Variants in USP24 observed in about 807,000 individuals in gnomAD.
USP24 encodes the protein ubiquitin specific peptidase 24.
A neutral mutation model predicts 361.6 loss-of-function variants in USP24; 97 were observed. That is an observed-to-expected ratio of 0.27 (90% CI 0.23 to 0.32). USP24 has a LOEUF of 0.32. Among genes scored for constraint, USP24 ranks in the 10% least tolerant of loss-of-function variants. USP24 has a pLI of 1.00. For missense variants in USP24, 2,353 were observed against 3,165.6 expected, an observed-to-expected ratio of 0.74 and a Z score of 6.16; for synonymous variants, 1,098 against 1,124.6, an observed-to-expected ratio of 0.98 and a Z score of 0.47.
At chr1:55,131,641 A>T (rs1013529954) in intron 31 of USP24, among the ~76,000 whole-genome samples, 1 of 152,226 alleles carries the variant, frequency 6.6e-6, no homozygotes, top group African/African-American at 2.4e-5. Flanking sequence ...CACATCATAC[A>T]AGCAACAAGT....
chr1:55,212,573 C>A (rs1446244537), intron 1 of USP24, among the ~76,000 whole-genome samples: 2 of 152,164 alleles, frequency 1.3e-5, no homozygotes, highest in African/African-American at 4.8e-5. Context: ...AGATCAAGAG[C>A]CTCAGTTTCC....
At chr1:55,084,067 CAGAG>C (rs1490048034) in intron 56 of USP24, among the ~76,000 whole-genome samples, 179 bp from the exon 57 acceptor site, 1 of 152,048 alleles carries the variant, frequency 6.6e-6, no homozygotes, top group African/African-American at 2.4e-5. Flanking sequence ...TTTTACCTTC[CAGAG>C]AAAGATTGGT....
intron 12 of USP24, among the ~76,000 whole-genome samples, chr1:55,155,574 T>C (rs903725849): frequency 2.0e-5 from 3 of 152,284 alleles, no homozygotes; most frequent in African/African-American, 4.8e-5. Flanking sequence ...CGTCAAGACA[T>C]GGGAAGTAAT....
chr1:55,175,567 A>T (rs567529009), intron 3 of USP24, among the ~76,000 whole-genome samples: 11 of 152,254 alleles, frequency 7.2e-5, no homozygotes, highest in African/African-American at 2.6e-4. Context: ...ACCCATCTGT[A>T]GTTCTAGTGA....
chr1:55,074,800 G>C (rs1403763356), intron 63 of USP24, among the ~76,000 whole-genome samples: 1 of 152,084 alleles, frequency 6.6e-6, no homozygotes, highest in Non-Finnish European at 1.5e-5. Context: ...AAAAGCTGAA[G>C]CTACAAAACT....
chr1:55,165,938 C>G lies in USP24; in HGVS notation c.874G>C (p.Gly292Arg), dbSNP rs781032724. The change falls in exon 7 of 68, where the codon GGT becomes CGT. Residue 292 changes from glycine (G) to arginine (R), a missense_variant. Coordinates refer to ENST00000294383, the MANE Select transcript of USP24 (RefSeq NM_015306.3). ...VDLVNKFGEL[G>R]GFAAIQAKLH... is the part of the protein sequence containing the mutation. The stretch of plus-strand genomic sequence containing the variant: ...TTGGCTTGGATTGCTGCAAATCCAC[C>G]TAATTCTCCAAACTGAGAAGAAAAA... 1.2e-6 allele frequency: 2 copies of G among 1,606,766 alleles called. No individual in the cohort carries two copies. The highest frequency in any genetic ancestry group is 2.7e-5 in the African/African-American group (2 of 74,540).
chr1:55,191,174 T>TC (rs1644275342), intron 1 of USP24, among the ~76,000 whole-genome samples: 1 of 152,200 alleles, frequency 6.6e-6, no homozygotes. Context: ...ATTCAGTTGT[T>TC]CAAGAAAAAT....
rs144535888 is a variant in USP24, at chr1:55,154,557, G to T, written c.1555-91C>A. The T allele has an allele frequency of 2.4e-4, 360 of 1,470,024 alleles. 2 individuals are homozygous for T. The East Asian group carries it at 8.8e-3, about 36-fold the overall frequency. The allele number at this position is 1,470,024 out of a possible 1,614,324, so 91.1% of individuals were successfully genotyped here. A position where few individuals can be genotyped will look rare whatever the true frequency, so the allele number is the denominator to read the frequency against. The stretch of plus-strand genomic sequence containing the variant: ...AACTTGAGCTAAAAACATTAACAAC[G>T]TAAGAAAAGTACATTTAAATACTGC... On this transcript the variant is annotated intron_variant, in intron 13 of 67. Transcript: ENST00000294383.
At chr1:55,112,043 T>C (rs554830803) in intron 38 of USP24, among the ~76,000 whole-genome samples, 53 of 152,048 alleles carry the variant, frequency 3.5e-4, no homozygotes, top group Admixed American at 3.1e-3. Flanking sequence ...AACAGAGGTA[T>C]TAAAAAAAGT....
At chr1:55,148,380 T>A in intron 17 of USP24, 83 bp downstream of exon 17, 1 of 1,017,142 alleles carries the variant, frequency 9.8e-7, no homozygotes, top group Non-Finnish European at 1.5e-6. Context: ...ATAGTGACTA[T>A]AAACTCAGCA....
rs910570451 is a variant in USP24 at position 55,123,334 on chromosome 1, G to A, written c.4276+113C>T. ...TAGCTACGCCACATGCCAACTTCCCGCCTTTTTCATTTTGACCAATGGGAC... is the reference window on the plus strand; with the variant it reads ...TAGCTACGCCACATGCCAACTTCCCACCTTTTTCATTTTGACCAATGGGAC... On this transcript the variant is annotated intron_variant, in intron 36 of 67. Transcript: ENST00000294383. 79 of 1,253,598 alleles carry A rather than the reference G, an allele frequency of 6.3e-5. 1 individual carries two copies. The East Asian group carries it at 8.0e-4, about 13-fold the overall frequency. 77.7% of individuals were successfully genotyped at this position (1,253,598 alleles called of 1,614,324 possible).
intron 1 of USP24, among the ~76,000 whole-genome samples, chr1:55,199,538 GA>G (rs1417120311): frequency 2.6e-5 from 4 of 151,780 alleles, no homozygotes; most frequent in Non-Finnish European, 5.9e-5. Flanking sequence ...AAGTATTTAG[GA>G]GTCAGATGTC....
At chr1:55,175,219 CTTTTTT>C (rs3072970) in intron 3 of USP24, among the ~76,000 whole-genome samples, 1 of 66,914 alleles carries the variant, frequency 1.5e-5, no homozygotes, top group Non-Finnish European at 2.7e-5. Context: ...TACTGGGTCT[CTTTTTT>C]TTTTTTTTTT....
chr1:55,078,839 C>T (rs932708438), intron 60 of USP24, among the ~76,000 whole-genome samples, 188 bp from the exon 61 acceptor site: 2 of 151,310 alleles, frequency 1.3e-5, no homozygotes, highest in Non-Finnish European at 2.9e-5. Flanking sequence ...AAATTTTACA[C>T]AATTTTGTGC....
chr1:55,160,364 C>T (rs1557652634), intron 8 of USP24, among the ~76,000 whole-genome samples: 1 of 152,284 alleles, frequency 6.6e-6, no homozygotes, highest in East Asian at 1.9e-4. Context: ...CACTTAATGC[C>T]AATTGTATAG....
Position 55,078,635 on chromosome 1 carries a change from C to T in USP24, c.7217G>A (p.Arg2406Gln), listed in dbSNP as rs367649814. The T allele has an allele frequency of 1.1e-5, 17 of 1,607,344 alleles. No homozygotes were observed. The highest frequency in any genetic ancestry group is 8.9e-5 in the South Asian group (8 of 90,104). ...PYLLEVMFAL[R>Q]ELTGSLLALI... ...TGCCAAGAGCGAGCCTGTCAGCTCC[C>T]GCAAAGCAAACATTACCTGGTGGGA... Residue 2406 changes from arginine (R) to glutamine (Q), a missense_variant, in exon 61 of 68, where the codon CGG (arginine) becomes CAG (glutamine). Arg to Gln is a conservative substitution (Grantham distance 43). This residue lies in a region of USP24 where 598 missense variants were observed against 761.9 expected (regional missense o/e 0.78). Transcript: ENST00000294383.
intron 36 of USP24, among the ~76,000 whole-genome samples, chr1:55,122,419 C>T (rs979201653): frequency 1.3e-5 from 2 of 152,090 alleles, no homozygotes; most frequent in African/African-American, 2.4e-5. Context: ...TACACAGTGT[C>T]CACCCCCTTG....
intron 1 of USP24, among the ~76,000 whole-genome samples, chr1:55,182,425 A>C (rs1033252236): frequency 6.6e-6 from 1 of 152,078 alleles, no homozygotes; most frequent in Admixed American, 6.5e-5. Context: ...TAAGCCACCC[A>C]GTCTGTGGTA....
At chr1:55,142,146 G>A (rs909116112) in intron 23 of USP24, among the ~76,000 whole-genome samples, 2 of 152,100 alleles carry the variant, frequency 1.3e-5, no homozygotes, top group African/African-American at 4.8e-5. Flanking sequence ...GGAGGCAGTA[G>A]CATTTTATGC....
Sources: gnomAD v4.1 joint callset for allele counts (sites outside exome capture counted in the v4.1 genomes callset) on GRCh38, gnomAD v4.1.1 for gene constraint, gnomAD v4.1.1 regional missense constraint, MANE v1.5 for transcripts, NCBI Gene and HGNC (gene_info 2026-07-23, HGNC 2026-07-21) for gene names.